Variants in ATP13A5 observed in about 807,000 individuals in gnomAD.
The protein encoded by ATP13A5 is ATPase 13A5.
ATP13A5 carries 149 observed loss-of-function variants against 150.2 expected under a neutral mutation model. The observed-to-expected ratio is 0.99, with a 90% CI of 0.87 to 1.14. ATP13A5 has a LOEUF of 1.14. ATP13A5 is among the 50% of genes most tolerant of loss of function. The pLI is 0.00. For synonymous variants in ATP13A5, 497 were observed against 522.2 expected (o/e 0.95, Z 0.66); for missense variants, 1,383 against 1,449.3 (o/e 0.95, Z 0.74).
intron 13 of ATP13A5, 105 bp from the exon 14 acceptor site, chr3:193,325,119 G>C: frequency 8.7e-7 from 1 of 1,146,478 alleles, no homozygotes; most frequent in South Asian, 1.5e-5. Flanking sequence ...TTCATGCTCA[G>C]AACCTTCCCA....
rs548139554 is a variant in ATP13A5 at position 193,292,196 on chromosome 3, G to T, written c.2849-2137C>A. 4.6e-5 allele frequency among the ~76,000 whole-genome samples: 7 copies of T among 152,188 alleles called. No individual in the cohort carries two copies. In the South Asian group the frequency reaches 1.5e-3, roughly 32 times the overall value. On this transcript the variant is annotated intron_variant, in intron 25 of 29. Transcript: ENST00000342358. ...GGACTGTGATCAGGGCTCAGGAGAA[G>T]TGCAAGGAAATTGTGCTTTCAGGTC...
intron 28 of ATP13A5, chr3:193,277,823 A>C (rs1207853263): frequency 6.6e-6 from 1 of 152,050 alleles, no homozygotes; most frequent in African/African-American, 2.4e-5. Flanking sequence ...TTGATTTTGA[A>C]TTATTTGTTT....
chr3:193,342,403 A>G (rs975073763), intron 9 of ATP13A5, among the ~76,000 whole-genome samples: 6 of 152,176 alleles, frequency 3.9e-5, no homozygotes, highest in Non-Finnish European at 7.4e-5. Context: ...GCAATAAAGT[A>G]TTTAGACCAG....
At chr3:193,378,465 C>G (rs1473040553) in intron 1 of ATP13A5, among the ~76,000 whole-genome samples, 198 bp downstream of exon 1, 1 of 152,222 alleles carries the variant, frequency 6.6e-6, no homozygotes, top group Non-Finnish European at 1.5e-5. Flanking sequence ...CCAGAGGTCA[C>G]AAGTTTCTCA....
intron 26 of ATP13A5, among the ~76,000 whole-genome samples, chr3:193,289,512 T>C (rs976773486): frequency 1.3e-5 from 2 of 152,158 alleles, no homozygotes; most frequent in Non-Finnish European, 2.9e-5. Flanking sequence ...AAGGCTGCTT[T>C]TGTGCTGCAA....
Position 193,275,901 on chromosome 3 carries a change from C to T in ATP13A5, c.3397-599G>A, listed in dbSNP as rs145538300. 7.1e-3 allele frequency among the ~76,000 whole-genome samples: 1,082 copies of T among 152,106 alleles called. 17 individuals carry two copies. The highest frequency in any genetic ancestry group is 0.023 in the African/African-American group (964 of 41,486). ...AATTTTTATTTTATTATGGGAAGAA[C>T]GTAGGTACAATATGATTAATAATGA... On this transcript the variant is annotated intron_variant, in intron 29 of 29. Transcript: ENST00000342358.
intron 11 of ATP13A5, among the ~76,000 whole-genome samples, chr3:193,331,987 A>C (rs967028230): frequency 6.6e-6 from 1 of 152,164 alleles, no homozygotes; most frequent in Non-Finnish European, 1.5e-5. Context: ...AATATGTTTT[A>C]TTATCAAGTC....
intron 1 of ATP13A5, among the ~76,000 whole-genome samples, chr3:193,368,422 G>GTGTA (rs10686496): frequency 3.3e-5 from 5 of 150,856 alleles, no homozygotes. Context: ...GTGTGTGTGT[G>GTGTA]GTAATTGACA....
At chr3:193,374,570 G>A (rs1279295550) in intron 1 of ATP13A5, among the ~76,000 whole-genome samples, 2 of 150,786 alleles carry the variant, frequency 1.3e-5, no homozygotes, top group African/African-American at 2.4e-5. Context: ...GCTTGTGCCT[G>A]GGAGATTGAG....
intron 5 of ATP13A5, among the ~76,000 whole-genome samples, chr3:193,357,982 C>A (rs1712854886): frequency 2.6e-5 from 4 of 152,094 alleles, no homozygotes; most frequent in Admixed American, 2.0e-4. Context: ...TTCATTCATT[C>A]AATTAACTTA....
In ATP13A5 at chr3:193,279,467, C is replaced by T; in HGVS notation, c.3227-13G>A. The T allele has an allele frequency of 1.3e-6, 2 of 1,599,592 alleles. No homozygotes were observed. The highest frequency in any genetic ancestry group is 1.3e-5 in the African/African-American group (1 of 74,628). ...AATGAAAATATATCTGAGGAAATAC[C>T]AAACATTATTTTTAGATGTTAAAAG... On this transcript the variant is annotated splice_polypyrimidine_tract_variant and intron_variant, in intron 27 of 29. Transcript: ENST00000342358.
intron 1 of ATP13A5, among the ~76,000 whole-genome samples, chr3:193,376,483 A>T (rs1713648356): frequency 6.6e-6 from 1 of 152,150 alleles, no homozygotes; most frequent in African/African-American, 2.4e-5. Context: ...AAGTGCTGGG[A>T]TTACAGGCAT....
intron 1 of ATP13A5, among the ~76,000 whole-genome samples, chr3:193,364,594 T>C (rs1279650164): frequency 6.6e-6 from 1 of 152,146 alleles, no homozygotes; most frequent in East Asian, 1.9e-4. Flanking sequence ...TTGAGGCAGA[T>C]TTATTTTCTT....
At chr3:193,367,258 T>C (rs569428468) in intron 1 of ATP13A5, among the ~76,000 whole-genome samples, 39 of 152,008 alleles carry the variant, frequency 2.6e-4, no homozygotes, top group Non-Finnish European at 2.1e-4. Flanking sequence ...CAAAGTCAAA[T>C]TGGTACCCTG....
At chr3:193,312,128 T>A (rs1218537986) in intron 19 of ATP13A5, among the ~76,000 whole-genome samples, 187 bp from the exon 20 acceptor site, 1 of 152,224 alleles carries the variant, frequency 6.6e-6, no homozygotes, top group Non-Finnish European at 1.5e-5. Context: ...CCCAAGATTA[T>A]GTAAACATAT....
chr3:193,288,840 T>G (rs1357781552), intron 26 of ATP13A5, among the ~76,000 whole-genome samples: 1 of 152,048 alleles, frequency 6.6e-6, no homozygotes, highest in Admixed American at 6.6e-5. Flanking sequence ...GTAATAAAAT[T>G]GAGGGCTAGT....
chr3:193,331,459 G>T, intron 11 of ATP13A5, 148 bp from the exon 12 acceptor site: 1 of 688,328 alleles, frequency 1.5e-6, no homozygotes, highest in Non-Finnish European at 2.2e-6. Context: ...CCCCTTTCCT[G>T]GTTCTGTTTC....
chr3:193,330,742 GGA>G (rs886108616), intron 12 of ATP13A5, among the ~76,000 whole-genome samples: 8 of 152,222 alleles, frequency 5.3e-5, no homozygotes, highest in African/African-American at 9.6e-5. Context: ...AAGCAGAGGA[GGA>G]GAGAGGAAAC....
chr3:193,363,481 A>T, intron 2 of ATP13A5, 99 bp from the exon 3 acceptor site: 1 of 1,091,582 alleles, frequency 9.2e-7, no homozygotes, highest in East Asian at 2.5e-5. Flanking sequence ...TTTGACCCAA[A>T]CAAGCGCATC....
Sources: gnomAD v4.1 joint callset for allele counts (sites outside exome capture counted in the v4.1 genomes callset) on GRCh38, gnomAD v4.1.1 for gene constraint, MANE v1.5 for transcripts, NCBI Gene and HGNC (gene_info 2026-07-23, HGNC 2026-07-21) for gene names.